The following TNR variants were observed in gnomAD, a reference collection of about 807,000 sequenced individuals.
TNR encodes tenascin R.
Under a neutral mutation model 150.4 loss-of-function variants are expected in TNR, and 45 were observed. The ratio of observed to expected loss-of-function variants is 0.30; its 90% CI spans 0.24 to 0.38. The LOEUF (loss-of-function observed/expected upper bound fraction) is 0.38. Ranked by LOEUF, TNR falls within the 10% of genes least tolerant of loss-of-function variation. The probability of loss-of-function intolerance (pLI) is 1.00; values close to 1 mark genes in which losing one functional copy is unlikely to be tolerated. For synonymous variants in TNR, 687 were observed against 678.4 expected (o/e 1.01, Z -0.20); for missense variants, 1,544 against 1,759.1 (o/e 0.88, Z 2.19).
intron 3 of TNR, 94 bp downstream of exon 3, chr1:175,406,122 C>A (rs765321382): frequency 8.7e-6 from 13 of 1,497,658 alleles, no homozygotes; most frequent in South Asian, 2.7e-5. Flanking sequence ...TGCGTTTTCG[C>A]TGGAAGTGCA....
chr1:175,561,050 C>A lies in TNR; in HGVS notation c.-164-32681G>T, dbSNP rs563275189. On this transcript the variant is annotated intron_variant, in intron 1 of 22. Coordinates refer to ENST00000367674, the MANE Select transcript of TNR (RefSeq NM_003285.3). ...GCAGTGAGCTTGTCCCTTCCTTGTT[C>A]TTCTAATTCAGAACATAGCTACTGA... Among the ~76,000 whole-genome samples the A allele has an allele frequency of 4.1e-4, 63 of 152,256 alleles. No individual in the cohort carries two copies. The South Asian group carries it at 0.011, about 26-fold the overall frequency.
intron 18 of TNR, among the ~76,000 whole-genome samples, chr1:175,353,384 C>T (rs1033675881): frequency 2.0e-5 from 3 of 152,176 alleles, no homozygotes; most frequent in Non-Finnish European, 2.9e-5. Flanking sequence ...GCAAGTAACT[C>T]TCAAAAGTCA....
chr1:175,350,706 G>C (rs1195758439), intron 18 of TNR, among the ~76,000 whole-genome samples: 3 of 152,018 alleles, frequency 2.0e-5, no homozygotes, highest in Non-Finnish European at 2.9e-5. Context: ...GGTTTTTGAG[G>C]GTTTGTGAGT....
chr1:175,581,853 G>A (rs868058743), intron 1 of TNR, among the ~76,000 whole-genome samples: 9 of 152,116 alleles, frequency 5.9e-5, no homozygotes, highest in East Asian at 5.8e-4. Context: ...TCTAGAAGCC[G>A]ACAAGCTTGT....
chr1:175,380,503 G>A (rs974976239), intron 8 of TNR, among the ~76,000 whole-genome samples: 24 of 150,402 alleles, frequency 1.6e-4, no homozygotes, highest in Non-Finnish European at 1.2e-4. Context: ...CCCGGGAGGC[G>A]GAGCTTGCAG....
intron 1 of TNR, among the ~76,000 whole-genome samples, chr1:175,708,818 A>G (rs529293046): frequency 3.6e-4 from 55 of 152,316 alleles, no homozygotes; most frequent in Middle Eastern, 3.4e-3. Context: ...ACTTTACAGG[A>G]GGAAATTCTA....
chr1:175,702,737 G>C (rs1420835899), intron 1 of TNR, among the ~76,000 whole-genome samples: 1 of 152,212 alleles, frequency 6.6e-6, no homozygotes, highest in Non-Finnish European at 1.5e-5. Context: ...GGGTGCACCT[G>C]CCCAATACAC....
At chr1:175,469,103 G>A (rs1208525872) in intron 2 of TNR, among the ~76,000 whole-genome samples, 1 of 152,108 alleles carries the variant, frequency 6.6e-6, no homozygotes, top group Non-Finnish European at 1.5e-5. Context: ...ATTTGGTGAG[G>A]AAGACATTGA....
intron 1 of TNR, among the ~76,000 whole-genome samples, chr1:175,553,487 T>C (rs1254116735): frequency 2.0e-5 from 3 of 152,196 alleles, no homozygotes; most frequent in Non-Finnish European, 2.9e-5. Flanking sequence ...CACAACTCTA[T>C]CCACCACATC....
chr1:175,559,979 T>A (rs1436779397), intron 1 of TNR, among the ~76,000 whole-genome samples: 2 of 152,252 alleles, frequency 1.3e-5, no homozygotes, highest in Non-Finnish European at 2.9e-5. Context: ...GATGATTGCC[T>A]CTTTTGTCCT....
At chr1:175,576,557 C>G (rs1420026959) in intron 1 of TNR, among the ~76,000 whole-genome samples, 1 of 152,142 alleles carries the variant, frequency 6.6e-6, no homozygotes, top group Non-Finnish European at 1.5e-5. Context: ...GGCCACTGCC[C>G]CTAGGAATTT....
At chr1:175,641,908 C>T (rs1379599307) in intron 1 of TNR, among the ~76,000 whole-genome samples, 1 of 152,036 alleles carries the variant, frequency 6.6e-6, no homozygotes, top group African/African-American at 2.4e-5. Context: ...CAATGTACTT[C>T]GGTTCAGTTT....
intron 1 of TNR, among the ~76,000 whole-genome samples, chr1:175,559,729 A>T (rs1056816770): frequency 6.6e-6 from 1 of 152,188 alleles, no homozygotes; most frequent in Admixed American, 6.5e-5. Context: ...TCTCCTGTTG[A>T]TGGACCTTCA....
chr1:175,486,931 G>A (rs1486828641), intron 2 of TNR, among the ~76,000 whole-genome samples: 1 of 152,212 alleles, frequency 6.6e-6, no homozygotes, highest in African/African-American at 2.4e-5. Context: ...CTTTTGAGAA[G>A]TGTCTGTTCA....
chr1:175,462,931 G>T (rs1159847180), intron 2 of TNR, among the ~76,000 whole-genome samples: 1 of 151,908 alleles, frequency 6.6e-6, no homozygotes, highest in African/African-American at 2.4e-5. Context: ...AATCTGCCTT[G>T]CCAATAAGAT....
chr1:175,595,093 G>C (rs935285154), intron 1 of TNR, among the ~76,000 whole-genome samples: 2 of 150,796 alleles, frequency 1.3e-5, no homozygotes, highest in African/African-American at 4.9e-5. Flanking sequence ...CTTGAACCTG[G>C]GAGACGGAGG....
chr1:175,645,800 T>C (rs1664795085), intron 1 of TNR, among the ~76,000 whole-genome samples: 1 of 152,248 alleles, frequency 6.6e-6, no homozygotes, highest in Non-Finnish European at 1.5e-5. Context: ...ATGTATCCAT[T>C]ATCTCAACTA....
chr1:175,331,047 T>TTCTTTCTTTCTTTCTTTCCTTCCTTC (rs1553203288), intron 20 of TNR, among the ~76,000 whole-genome samples: 2 of 91,006 alleles, frequency 2.2e-5, no homozygotes, highest in Non-Finnish European at 4.5e-5. Context: ...CTTTCTTTCT[T>TTCTTTCTTTCTTTCTTTCCTTCCTTC]TCTTTCTTTC....
chr1:175,388,565 G>A lies in TNR; in HGVS notation c.1508-2264C>T, dbSNP rs115827048. Among the ~76,000 whole-genome samples, 941 of 152,260 alleles carry A rather than the reference G, an allele frequency of 6.2e-3. 8 individuals carry two copies. Among genetic ancestry groups the A allele is most frequent in the African/African-American group, 0.021 (884 of 41,546 alleles). On this transcript the variant is annotated intron_variant, in intron 7 of 22. Transcript: ENST00000367674. ...TCCTAAAAACAGCACACAGGATTGG[G>A]AGCCAACCGTCTATTTTGTAGCCAC... is the stretch of plus-strand genomic sequence containing the variant.
Sources: gnomAD v4.1 joint callset for allele counts (sites outside exome capture counted in the v4.1 genomes callset) on GRCh38, gnomAD v4.1.1 for gene constraint, MANE v1.5 for transcripts, NCBI Gene and HGNC (gene_info 2026-07-23, HGNC 2026-07-21) for gene names.